The following RBM34 variants were observed in gnomAD, a reference collection of about 807,000 sequenced individuals.
The protein encoded by RBM34 is RNA-binding protein 34.
A neutral mutation model predicts 44.6 loss-of-function variants in RBM34; 39 were observed. That is an observed-to-expected ratio of 0.87 (90% CI 0.68 to 1.14). The LOEUF (loss-of-function observed/expected upper bound fraction) is 1.14. Among genes scored for constraint, RBM34 ranks in the 50% most tolerant of loss-of-function variants. RBM34 has a pLI of 0.00. For missense variants in RBM34, 572 were observed against 517.9 expected (o/e 1.10, Z -1.01); for synonymous variants, 194 against 184.0 (o/e 1.05, Z -0.44).
At chr1:235,161,141 C>G (rs572326284) in intron 1 of RBM34, 33 bp downstream of exon 1, 2 of 1,601,134 alleles carry the variant, frequency 1.2e-6, no homozygotes, top group South Asian at 1.1e-5. Flanking sequence ...GTACAACATC[C>G]CTCCCCAGGT....
rs1353788213 is a variant in RBM34, at chr1:235,137,936, C to A, written c.790G>T (p.Gly264Trp). The A allele has an allele frequency of 6.9e-6, 11 of 1,602,824 alleles. No homozygotes were observed. The highest frequency in any genetic ancestry group is 8.5e-6 in the Non-Finnish European group (10 of 1,171,468). ...CGAAATCCATCTGCAATCTGGGCCC[C>A]ATTTCTGTATTATAAATACAAAGGG... Reference protein sequence around the residue: ...SAATQALKRNGAQIADGFRIR... With the variant: ...SAATQALKRNWAQIADGFRIR... Residue 264 changes from glycine (G) to tryptophan (W), a missense_variant, in exon 8 of 11, where the codon GGG (glycine) becomes TGG (tryptophan). By Grantham distance (184) the Gly-to-Trp change is radical. Transcript: ENST00000408888.
chr1:235,145,286 T>C (rs933653359), intron 6 of RBM34, among the ~76,000 whole-genome samples: 4 of 151,736 alleles, frequency 2.6e-5, no homozygotes, highest in African/African-American at 9.7e-5. Flanking sequence ...ACATACTTTT[T>C]TTTTTTTTTT....
At chr1:235,154,860 T>C in intron 4 of RBM34, 21 bp downstream of exon 4, 1 of 1,584,008 alleles carries the variant, frequency 6.3e-7, no homozygotes, top group Non-Finnish European at 8.7e-7. Flanking sequence ...TTCTCTGAAC[T>C]TTTACCATAT....
chr1:235,148,575 A>C (rs993531431), intron 5 of RBM34, 128 bp from the exon 6 acceptor site: 1 of 629,512 alleles, frequency 1.6e-6, no homozygotes, highest in Non-Finnish European at 2.4e-6. Context: ...GAAATAAACA[A>C]ATCAGAAACA....
chr1:235,134,956 C>T (rs749933440), intron 10 of RBM34, among the ~76,000 whole-genome samples: 4 of 151,708 alleles, frequency 2.6e-5, no homozygotes, highest in Non-Finnish European at 5.9e-5. Context: ...GTTGGTCAGG[C>T]TGGTCTCGAA....
intron 8 of RBM34, 78 bp downstream of exon 8, chr1:235,137,799 C>G (rs781591474): frequency 8.9e-6 from 10 of 1,119,708 alleles, no homozygotes; most frequent in Non-Finnish European, 1.3e-5. Flanking sequence ...GATTCCAGTC[C>G]CCTTCCAGGA....
intron 4 of RBM34, among the ~76,000 whole-genome samples, chr1:235,153,368 A>G (rs1185272961): frequency 6.6e-6 from 1 of 152,022 alleles, no homozygotes; most frequent in African/African-American, 2.4e-5. Flanking sequence ...TTAAGGATAG[A>G]CTTATAACTT....
rs1661904294 is a variant in RBM34 at position 235,146,285 on chromosome 1, CT to C, written c.701+2118del. On this transcript the variant is annotated intron_variant, in intron 6 of 10. Transcript: ENST00000408888. ...TAATGGTCATGAGACTGGGAAAAAA[CT>C]TTATGTCCATCAGTGGGAGATTTGA... 2.0e-5 allele frequency among the ~76,000 whole-genome samples: 3 copies of C among 152,084 alleles called. No homozygotes were observed. In the South Asian group the frequency reaches 6.2e-4, roughly 32 times the overall value.
In RBM34 at chr1:235,155,009, T is replaced by C. The variant is rs754464502; in HGVS notation, c.469A>G (p.Ile157Val). 3.1e-5 allele frequency: 50 copies of C among 1,614,102 alleles called. No homozygotes were observed. In the South Asian group the frequency reaches 5.1e-4, roughly 16 times the overall value. Residue 157 changes from isoleucine to valine, a missense_variant, in exon 4 of 11, where the codon ATA becomes GTA. Coordinates refer to ENST00000408888, the MANE Select transcript of RBM34 (RefSeq NM_015014.4). ...QPGVKVADRK[I>V]LDDTEDTVVS... Reference sequence around the variant, plus strand: ...ACTGTGTCTTCTGTGTCATCAAGTATTTTTCTATCTGCTACTTTAACACCA... The same window carrying C: ...ACTGTGTCTTCTGTGTCATCAAGTACTTTTCTATCTGCTACTTTAACACCA...
intron 5 of RBM34, among the ~76,000 whole-genome samples, chr1:235,150,586 A>G (rs943371049): frequency 3.3e-5 from 5 of 152,208 alleles, no homozygotes; most frequent in African/African-American, 1.2e-4. Flanking sequence ...GCAAAGGGAC[A>G]AAGGTGAGAA....
chr1:235,160,799 C>G, intron 2 of RBM34, 94 bp downstream of exon 2: 1 of 1,541,176 alleles, frequency 6.5e-7, no homozygotes. Flanking sequence ...TGTCTGCCCC[C>G]TTTAGAAATC....
intron 3 of RBM34, among the ~76,000 whole-genome samples, chr1:235,155,505 CT>C (rs745638640): frequency 0.21 from 26,488 of 123,632 alleles, 3,023 homozygotes; most frequent in African/African-American, 0.33. Flanking sequence ...CCACACGTGG[CT>C]TTTTTTTTTT....
intron 6 of RBM34, among the ~76,000 whole-genome samples, chr1:235,142,095 G>A (rs1661708171): frequency 6.6e-6 from 1 of 152,088 alleles, no homozygotes; most frequent in Non-Finnish European, 1.5e-5. Context: ...GCTACCGGGG[G>A]AGAGGTGGGA....
rs1661202043 is a variant in RBM34, at chr1:235,131,663, C to T, written c.*50G>A. 1 of 1,531,466 alleles carries T rather than the reference C, an allele frequency of 6.5e-7. No individual in the cohort carries two copies. Among genetic ancestry groups the T allele is most frequent in the East Asian group, 2.3e-5 (1 of 44,270 alleles). The allele number at this position is 1,531,466 out of a possible 1,614,324, so 94.9% of individuals were successfully genotyped here. A position where few individuals can be genotyped will look rare whatever the true frequency, so the allele number is the denominator to read the frequency against. ...AGACGATGCTATCAGCAGATAATAG[C>T]ACTTTTATTAGCAGTACTCAGCAGG... On this transcript the variant is annotated 3_prime_UTR_variant, in exon 11 of 11. Transcript: ENST00000408888.
At chr1:235,149,171 G>A (rs1167526373) in intron 5 of RBM34, among the ~76,000 whole-genome samples, 2 of 151,606 alleles carry the variant, frequency 1.3e-5, no homozygotes, top group Non-Finnish European at 2.9e-5. Context: ...GGCGGATCAC[G>A]AGGTCAGGAG....
chr1:235,157,479 C>T (rs1662500704), intron 3 of RBM34, among the ~76,000 whole-genome samples: 1 of 152,028 alleles, frequency 6.6e-6, no homozygotes, highest in African/African-American at 2.4e-5. Context: ...ATGATGAGCT[C>T]CCAGTGGAGC....
At chr1:235,159,248 T>C (rs1035468154) in intron 3 of RBM34, among the ~76,000 whole-genome samples, 4 of 144,504 alleles carry the variant, frequency 2.8e-5, no homozygotes, top group Non-Finnish European at 6.1e-5. Context: ...GGGAAATGAA[T>C]AAATTTAAGA....
chr1:235,148,227 G>T (rs1329440770), intron 6 of RBM34, among the ~76,000 whole-genome samples, 177 bp downstream of exon 6: 1 of 152,092 alleles, frequency 6.6e-6, no homozygotes, highest in Non-Finnish European at 1.5e-5. Flanking sequence ...TTATATTATG[G>T]CTTAAAGAAA....
Position 235,144,194 on chromosome 1 carries a change from C to G in RBM34, c.701+4210G>C, listed in dbSNP as rs150333349. On this transcript the variant is annotated intron_variant, in intron 6 of 10. Transcript: ENST00000408888. ...CTGTTCCCCTCCACCAACCCTCCCC[C>G]ACAAAAAAACAAACCTCAAAATCAT... 3.3e-3 allele frequency among the ~76,000 whole-genome samples: 500 copies of G among 152,018 alleles called. 2 individuals carry two copies. Among genetic ancestry groups the G allele is most frequent in the Non-Finnish European group, 5.3e-3 (357 of 67,964 alleles).
Sources: gnomAD v4.1 joint callset for allele counts (sites outside exome capture counted in the v4.1 genomes callset) on GRCh38, gnomAD v4.1.1 for gene constraint, MANE v1.5 for transcripts, NCBI Gene and HGNC (gene_info 2026-07-23, HGNC 2026-07-21) for gene names.